Variants in POLM observed in about 807,000 individuals in gnomAD.
POLM encodes DNA polymerase mu.
Under a neutral mutation model 56.7 loss-of-function variants are expected in POLM, and 52 were observed. The observed-to-expected ratio is 0.92, with a 90% CI of 0.73 to 1.15. The LOEUF (loss-of-function observed/expected upper bound fraction) is 1.15, where lower values mean the gene tolerates loss of function less well. POLM is among the 50% of genes most tolerant of loss of function. The pLI is 0.00. For missense variants in POLM, 660 were observed against 663.6 expected, an observed-to-expected ratio of 0.99 and a Z score of 0.06; for synonymous variants, 273 against 274.3, an observed-to-expected ratio of 1.00 and a Z score of 0.05.
At chr7:44,080,148 T>G (rs2096195592) in intron 2 of POLM, among the ~76,000 whole-genome samples, 189 bp from the exon 3 acceptor site, 1 of 152,218 alleles carries the variant, frequency 6.6e-6, no homozygotes. Flanking sequence ...AGGCTGTGCA[T>G]GGGGCTCCTC....
At chr7:44,079,787 T>C (rs759247799) in intron 3 of POLM, 46 bp from the exon 4 acceptor site, 2 of 1,608,364 alleles carry the variant, frequency 1.2e-6, no homozygotes. Context: ...GCAGCTCCAA[T>C]CCCCCACCTA....
At chr7:44,076,767 C>G in intron 5 of POLM, 138 bp from the exon 6 acceptor site, 2 of 1,093,266 alleles carry the variant, frequency 1.8e-6, no homozygotes, top group Non-Finnish European at 2.6e-6. Context: ...TGCCGTAGAC[C>G]ACAGGGCAAG....
rs755737963 is a variant in POLM, at chr7:44,073,868, G to C, written c.1229C>G (p.Pro410Arg). Residue 410 changes from proline (P) to arginine (R), a missense_variant, in exon 9 of 11, where the codon CCA becomes CGA. Transcript: ENST00000242248. Reference protein sequence around the residue: ...AAVGGSTRPCPSWKAVRVDLV... With the variant: ...AAVGGSTRPCRSWKAVRVDLV... ...GTCCACTCTCACGGCCTTCCAGGAT[G>C]GGCAGGGCCTCGTGGATCCCCCCAC... The C allele has an allele frequency of 1.2e-6, 2 of 1,614,230 alleles. No individual in the cohort carries two copies. The highest frequency in any genetic ancestry group is 2.2e-5 in the South Asian group (2 of 91,092).
intron 6 of POLM, chr7:44,075,948 A>C (rs753312299): frequency 6.5e-6 from 1 of 152,844 alleles, no homozygotes; most frequent in African/African-American, 2.4e-5. Flanking sequence ...CCTGTTGCCC[A>C]GACTGGTCTT....
At chr7:44,080,386 A>G (rs962297262) in intron 2 of POLM, 29 of 551,952 alleles carry the variant, frequency 5.3e-5, no homozygotes, top group Admixed American at 1.8e-4. Flanking sequence ...CGGGAGCCTT[A>G]TAGCATCCAG....
chr7:44,073,564 A>G (rs1481857633), intron 10 of POLM, 61 bp downstream of exon 10: 4 of 1,606,532 alleles, frequency 2.5e-6, no homozygotes, highest in African/African-American at 1.3e-5. Flanking sequence ...GCCATTTCAG[A>G]TTGTGGGTCA....
At chr7:44,078,841 G>A in intron 4 of POLM, 30 bp from the exon 5 acceptor site, 1 of 1,588,072 alleles carries the variant, frequency 6.3e-7, no homozygotes, top group Non-Finnish European at 8.6e-7. Flanking sequence ...AGAACTCTAA[G>A]CCTGAGGGCG....
At chr7:44,076,688 C>T in intron 5 of POLM, 59 bp from the exon 6 acceptor site, 1 of 1,601,940 alleles carries the variant, frequency 6.2e-7, no homozygotes, top group East Asian at 2.2e-5. Context: ...CTCGGATGAT[C>T]ACCCGCTCCG....
intron 2 of POLM, 49 bp from the exon 3 acceptor site, chr7:44,080,008 G>T: frequency 1.5e-6 from 2 of 1,364,490 alleles, no homozygotes; most frequent in Non-Finnish European, 1.0e-6. Flanking sequence ...GGGCTGGCAG[G>T]AGAGCCAGGC....
At position 44,074,513 on chromosome 7, in the gene POLM, C is replaced by T; in HGVS notation, c.853G>A (p.Asp285Asn). 1 of 1,587,760 alleles carries T rather than the reference C, an allele frequency of 6.3e-7. No homozygotes were observed. Among genetic ancestry groups the T allele is most frequent in the Non-Finnish European group, 8.6e-7 (1 of 1,165,576 alleles). ...QQKAGLQHHQ[D>N]LSTPVLRSDV... Reference sequence around the variant, plus strand: ...GACCGCAGGACTGGGGTGCTCAGGTCCTGGTGGTGCTGGAGCCCTGGGGGC... The same window carrying T: ...GACCGCAGGACTGGGGTGCTCAGGTTCTGGTGGTGCTGGAGCCCTGGGGGC... The change falls in exon 7 of 11, where the codon GAC becomes AAC. Residue 285 changes from aspartate to asparagine, a missense_variant. Asp to Asn is a conservative substitution (Grantham distance 23). Transcript: ENST00000242248.
chr7:44,080,298 C>T (rs1040786032), intron 2 of POLM: 6 of 542,116 alleles, frequency 1.1e-5, no homozygotes, highest in Non-Finnish European at 2.1e-5. Flanking sequence ...TAGGGGCTTG[C>T]CCCACAACCA....
intron 1 of POLM, among the ~76,000 whole-genome samples, chr7:44,081,423 C>T (rs1195498531): frequency 6.6e-6 from 1 of 152,240 alleles, no homozygotes; most frequent in African/African-American, 2.4e-5. Context: ...CTGCTATCAT[C>T]CTCTCCTGAG....
intron 6 of POLM, chr7:44,075,895 C>T (rs1228137288): frequency 6.6e-6 from 1 of 152,296 alleles, no homozygotes; most frequent in Non-Finnish European, 1.5e-5. Flanking sequence ...TCCACCATCA[C>T]GCCTGGCTAA....
At chr7:44,080,234 C>A in intron 2 of POLM, 1 of 546,836 alleles carries the variant, frequency 1.8e-6, no homozygotes. Context: ...GCATGTACTC[C>A]ATCACCCCAA....
At chr7:44,082,053 A>G (rs1415502133) in intron 1 of POLM, among the ~76,000 whole-genome samples, 198 bp downstream of exon 1, 1 of 152,134 alleles carries the variant, frequency 6.6e-6, no homozygotes, top group African/African-American at 2.4e-5. Context: ...CCTACTGCTT[A>G]TTAATTACCC....
chr7:44,075,663 A>G (rs944536451), intron 6 of POLM: 1 of 151,958 alleles, frequency 6.6e-6, no homozygotes, highest in Non-Finnish European at 1.5e-5. Context: ...TATCTGCTCA[A>G]CACCTGCCAC....
intron 4 of POLM, among the ~76,000 whole-genome samples, chr7:44,079,188 C>T (rs1488986292): frequency 6.6e-6 from 1 of 152,242 alleles, no homozygotes; most frequent in East Asian, 1.9e-4. Flanking sequence ...TCTTCTGTCA[C>T]TGTGTATTCT....
chr7:44,080,644 A>G, intron 2 of POLM, 89 bp downstream of exon 2: 2 of 1,363,332 alleles, frequency 1.5e-6, no homozygotes, highest in Non-Finnish European at 2.1e-6. Context: ...ACATTGAGGC[A>G]TTGCTGCCAT....
At chr7:44,073,399 C>G (rs1011762934) in intron 10 of POLM, 22 bp from the exon 11 acceptor site, 3 of 1,603,918 alleles carry the variant, frequency 1.9e-6, no homozygotes, top group Non-Finnish European at 2.5e-6. Context: ...GCAGGACTTC[C>G]GTGACCTAGG....
Sources: allele counts gnomAD v4.1 joint callset (sites outside exome capture counted in the v4.1 genomes callset), GRCh38; gene constraint gnomAD v4.1.1; transcripts MANE v1.5; gene names NCBI Gene and HGNC (gene_info 2026-07-23, HGNC 2026-07-21).